Variants in KIAA1549L observed in about 807,000 individuals in gnomAD.
The protein encoded by KIAA1549L is KIAA1549 like.
A neutral mutation model predicts 160.7 loss-of-function variants in KIAA1549L; 88 were observed. That is an observed-to-expected ratio of 0.55 (90% confidence interval 0.46 to 0.65). KIAA1549L has a LOEUF of 0.65. Ranked by LOEUF, KIAA1549L falls within the 30% of genes least tolerant of loss-of-function variation. The pLI is 0.00. For synonymous variants in KIAA1549L, 950 were observed against 976.7 expected (o/e 0.97, Z 0.51); for missense variants, 2,258 against 2,437.5 (o/e 0.93, Z 1.55).
chr11:33,661,099 G>A, intron 20 of KIAA1549L, 85 bp downstream of exon 20: 1 of 1,347,810 alleles, frequency 7.4e-7, no homozygotes, highest in South Asian at 1.4e-5. Flanking sequence ...TGAGACTGAA[G>A]GTTTTGTTAT....
In KIAA1549L at chr11:33,547,917, A is replaced by G. The variant is rs1321522725; in HGVS notation, c.3501+38A>G. The stretch of plus-strand genomic sequence containing the variant: ...CTTTGTAACCAAGCTAATCCATCAC[A>G]GTCTGGCTCTTGGGTCTAGAATATG... On this transcript the variant is annotated intron_variant, in intron 4 of 20. Coordinates refer to ENST00000658780, the MANE Select transcript of KIAA1549L (RefSeq NM_012194.3). 5 of 1,324,090 alleles carry G rather than the reference A, an allele frequency of 3.8e-6. No homozygotes were observed. The Admixed American group carries it at 8.7e-5, about 23-fold the overall frequency. The allele number at this position is 1,324,090 out of a possible 1,614,324, so 82.0% of individuals were successfully genotyped here.
chr11:33,485,716 A>G (rs370255380), intron 1 of KIAA1549L, among the ~76,000 whole-genome samples: 145 of 152,326 alleles, frequency 9.5e-4, no homozygotes, highest in African/African-American at 3.4e-3. Flanking sequence ...ATGTTTTACA[A>G]TAGATCTTCT....
At chr11:33,402,815 C>G (rs943011565) in intron 1 of KIAA1549L, among the ~76,000 whole-genome samples, 2 of 151,046 alleles carry the variant, frequency 1.3e-5, no homozygotes, top group Admixed American at 6.6e-5. Flanking sequence ...CTGCCACCCC[C>G]CCTAGCTTCC....
At chr11:33,493,032 G>A (rs552109481) in intron 1 of KIAA1549L, among the ~76,000 whole-genome samples, 35 of 152,206 alleles carry the variant, frequency 2.3e-4, no homozygotes, top group Admixed American at 6.5e-5. Context: ...AGGATTCCTC[G>A]TTGTTTGACC....
intron 1 of KIAA1549L, among the ~76,000 whole-genome samples, chr11:33,420,297 T>C (rs1409853338): frequency 6.9e-6 from 1 of 145,500 alleles, no homozygotes; most frequent in Non-Finnish European, 1.5e-5. Flanking sequence ...GGCACTATCC[T>C]AGCTCGCTGC....
chr11:33,543,403 G>T lies in KIAA1549L; in HGVS notation c.1840G>T (p.Ala614Ser). The T allele has an allele frequency of 6.2e-7, 1 of 1,613,950 alleles. No homozygotes were observed. The highest frequency in any genetic ancestry group is 2.2e-5 in the East Asian group (1 of 44,872). Residue 614 changes from alanine (A) to serine (S), a missense_variant, in exon 2 of 21, where the codon GCA becomes TCA. Coordinates refer to ENST00000658780, the MANE Select transcript of KIAA1549L (RefSeq NM_012194.3). ...TAGTGTCTCATCTCCCATCATTACA[G>T]CACCAAGGACGAATCCCCTTCCTTC... ...TGSVSSPIIT[A>S]PRTNPLPSGP...
chr11:33,495,493 A>G (rs59774670), intron 1 of KIAA1549L, among the ~76,000 whole-genome samples: 231 of 152,208 alleles, frequency 1.5e-3, no homozygotes, highest in African/African-American at 5.0e-3. Context: ...TCCATGGCGT[A>G]TATGTGCCAC....
chr11:33,576,029 C>T (rs902945428), intron 10 of KIAA1549L, among the ~76,000 whole-genome samples: 16 of 151,886 alleles, frequency 1.1e-4, no homozygotes, highest in African/African-American at 2.7e-4. Flanking sequence ...GGCTCTGTGG[C>T]GTCCCAGGCA....
intron 1 of KIAA1549L, among the ~76,000 whole-genome samples, chr11:33,412,336 G>T (rs946546910): frequency 1.3e-5 from 2 of 152,212 alleles, no homozygotes; most frequent in Admixed American, 6.5e-5. Flanking sequence ...AATGACTCCT[G>T]TTGTATCTAT....
intron 1 of KIAA1549L, among the ~76,000 whole-genome samples, chr11:33,525,542 A>G (rs1853591541): frequency 1.3e-5 from 2 of 151,772 alleles, no homozygotes; most frequent in South Asian, 4.2e-4. Context: ...TGAACTTTGT[A>G]ATAATTTCGA....
At chr11:33,513,828 G>C (rs1465665026) in intron 1 of KIAA1549L, among the ~76,000 whole-genome samples, 1 of 152,204 alleles carries the variant, frequency 6.6e-6, no homozygotes, top group Non-Finnish European at 1.5e-5. Flanking sequence ...AGGAGGGGCT[G>C]TGTGCTAGAT....
chr11:33,655,276 C>T (rs1852026691), intron 17 of KIAA1549L, among the ~76,000 whole-genome samples: 1 of 152,152 alleles, frequency 6.6e-6, no homozygotes, highest in South Asian at 2.1e-4. Flanking sequence ...CACACACAGA[C>T]TTACCTGATC....
At chr11:33,547,587 T>A (rs1854307780) in intron 3 of KIAA1549L, among the ~76,000 whole-genome samples, 177 bp from the exon 4 acceptor site, 1 of 152,126 alleles carries the variant, frequency 6.6e-6, no homozygotes, top group East Asian at 1.9e-4. Context: ...CTTCTTTCCT[T>A]AGGACTTTAG....
intron 1 of KIAA1549L, among the ~76,000 whole-genome samples, chr11:33,385,821 A>C (rs975632113): frequency 7.9e-5 from 12 of 151,410 alleles, no homozygotes; most frequent in Admixed American, 5.9e-4. Flanking sequence ...TCAATGTTTT[A>C]TAGTTTTCCA....
intron 1 of KIAA1549L, among the ~76,000 whole-genome samples, chr11:33,504,558 C>T (rs2756275): frequency 0.7 from 106,552 of 151,740 alleles, 37,978 homozygotes; most frequent in African/African-American, 0.83. Flanking sequence ...ACCTCTGCCT[C>T]CCAGGCTTAA....
chr11:33,443,932 G>A (rs1428338170), intron 1 of KIAA1549L, among the ~76,000 whole-genome samples: 1 of 152,154 alleles, frequency 6.6e-6, no homozygotes, highest in African/African-American at 2.4e-5. Flanking sequence ...CTCTACTGCA[G>A]TCTTCTCATC....
In KIAA1549L at chr11:33,407,195, C is replaced by T. The variant is rs1200787632; in HGVS notation, c.238+30306C>T. 1.6e-4 allele frequency among the ~76,000 whole-genome samples: 24 copies of T among 148,854 alleles called. 1 individual carries two copies. The highest frequency in any genetic ancestry group is 1.5e-5 in the Non-Finnish European group (1 of 67,776). On this transcript the variant is annotated intron_variant, in intron 1 of 20. Coordinates refer to ENST00000658780, the MANE Select transcript of KIAA1549L (RefSeq NM_012194.3). ...CGCCTCCCGGGTTCACGCCATTCTCCTGCCTCAGCCTCCCGAGTAGCTGGG... is the reference window on the plus strand; with the variant it reads ...CGCCTCCCGGGTTCACGCCATTCTCTTGCCTCAGCCTCCCGAGTAGCTGGG...
At chr11:33,448,224 A>G (rs4756695) in intron 1 of KIAA1549L, among the ~76,000 whole-genome samples, 9 of 152,012 alleles carry the variant, frequency 5.9e-5, no homozygotes, top group Non-Finnish European at 8.8e-5. Flanking sequence ...TTAGGTATTT[A>G]CATTTGAGGA....
intron 6 of KIAA1549L, among the ~76,000 whole-genome samples, chr11:33,555,298 T>C (rs60647863): frequency 0.098 from 14,983 of 152,216 alleles, 967 homozygotes; most frequent in East Asian, 0.31. Context: ...TTCACAGAAA[T>C]AGAAAAATTA....
Sources: gnomAD v4.1 joint callset for allele counts (sites outside exome capture counted in the v4.1 genomes callset) on GRCh38, gnomAD v4.1.1 for gene constraint, MANE v1.5 for transcripts, NCBI Gene and HGNC (gene_info 2026-07-23, HGNC 2026-07-21) for gene names.